PDZRN4: variants seen among roughly 807,000 people sequenced by gnomAD.
PDZRN4 encodes the protein PDZ domain-containing RING finger protein 4.
In PDZRN4, 70 loss-of-function variants were observed where a neutral mutation model predicts 99.0. The observed-to-expected ratio is 0.71, with a 90% CI of 0.58 to 0.86. The LOEUF is 0.86. PDZRN4 is among the 40% of genes least tolerant of loss of function. The probability of loss-of-function intolerance (pLI) is 0.00; values close to 1 mark genes in which losing one functional copy is unlikely to be tolerated. For missense variants in PDZRN4, 1,474 were observed against 1,331.2 expected (o/e 1.11, Z -1.67); for synonymous variants, 551 against 501.6 (o/e 1.10, Z -1.32).
chr12:41,379,561 T>A (rs1952107923), intron 3 of PDZRN4, among the ~76,000 whole-genome samples: 2 of 151,874 alleles, frequency 1.3e-5, no homozygotes, highest in African/African-American at 4.8e-5. Flanking sequence ...TTTTTCCATT[T>A]TTGTTCATAT....
chr12:41,489,222 G>A (rs750819449), intron 3 of PDZRN4, among the ~76,000 whole-genome samples: 4 of 151,990 alleles, frequency 2.6e-5, no homozygotes, highest in Non-Finnish European at 5.9e-5. Context: ...GGGAATATTT[G>A]GCACTCTCTG....
intron 3 of PDZRN4, among the ~76,000 whole-genome samples, chr12:41,381,218 AT>A (rs1328441607): frequency 6.6e-6 from 1 of 152,126 alleles, no homozygotes; most frequent in Non-Finnish European, 1.5e-5. Context: ...GATTAAACCT[AT>A]TTAGGACTAT....
chr12:41,418,937 T>G (rs1952468958), intron 3 of PDZRN4, among the ~76,000 whole-genome samples: 1 of 152,106 alleles, frequency 6.6e-6, no homozygotes. Flanking sequence ...CCTTGCAATT[T>G]GATGGGATGC....
chr12:41,463,898 C>A (rs1249940990), intron 3 of PDZRN4, among the ~76,000 whole-genome samples: 1 of 152,148 alleles, frequency 6.6e-6, no homozygotes, highest in African/African-American at 2.4e-5. Flanking sequence ...ATGGATTAGC[C>A]ATTTCCATCT....
chr12:41,531,738 A>T (rs576747863), intron 5 of PDZRN4, among the ~76,000 whole-genome samples: 8 of 152,118 alleles, frequency 5.3e-5, no homozygotes, highest in Admixed American at 1.3e-4. Flanking sequence ...CAGTATGTTT[A>T]TTGGCCTGTT....
At chr12:41,279,717 G>C (rs1268829653) in intron 3 of PDZRN4, among the ~76,000 whole-genome samples, 3 of 152,154 alleles carry the variant, frequency 2.0e-5, no homozygotes, top group African/African-American at 7.2e-5. Flanking sequence ...GTTTTCAATA[G>C]AGGGAAGAAG....
chr12:41,563,609 G>GT lies in PDZRN4; in HGVS notation c.1428dup (p.Lys477Ter). The GT allele has an allele frequency of 6.2e-7, 1 of 1,613,472 alleles. No individual in the cohort carries two copies. The highest frequency in any genetic ancestry group is 8.5e-7 in the Non-Finnish European group (1 of 1,179,546). On this transcript the variant is annotated frameshift_variant, in exon 8 of 10. Coordinates refer to ENST00000402685, the MANE Select transcript of PDZRN4 (RefSeq NM_001164595.2). LOFTEE classifies it high-confidence loss of function. ...GTGGCCTTGCTGTCTAACGATGAGT[G>GT]TAAGAGAATCGTGCTGCTTGTTGCA...
chr12:41,274,182 G>A (rs1036162201), intron 3 of PDZRN4, among the ~76,000 whole-genome samples: 12 of 151,958 alleles, frequency 7.9e-5, no homozygotes, highest in African/African-American at 2.7e-4. Flanking sequence ...ATGAGTGTGT[G>A]TAAAGCTGGT....
chr12:41,459,442 G>T (rs1341280874), intron 3 of PDZRN4, among the ~76,000 whole-genome samples: 1 of 152,170 alleles, frequency 6.6e-6, no homozygotes, highest in African/African-American at 2.4e-5. Context: ...AAATATAAAT[G>T]AACATTCAGA....
intron 3 of PDZRN4, among the ~76,000 whole-genome samples, chr12:41,274,648 G>C (rs557623943): frequency 5.9e-5 from 9 of 152,228 alleles, no homozygotes; most frequent in Admixed American, 3.9e-4. Flanking sequence ...CTGAATCCAT[G>C]GTGGAGAGCA....
At chr12:41,230,518 T>C (rs1464167588) in intron 3 of PDZRN4, among the ~76,000 whole-genome samples, 6 of 152,142 alleles carry the variant, frequency 3.9e-5, no homozygotes, top group African/African-American at 1.4e-4. Context: ...TCTTTATTTC[T>C]GCTTCTCTCC....
intron 3 of PDZRN4, among the ~76,000 whole-genome samples, chr12:41,296,902 G>T (rs892507769): frequency 5.3e-5 from 8 of 152,096 alleles, no homozygotes; most frequent in Non-Finnish European, 1.2e-4. Flanking sequence ...ACACTGCAGT[G>T]AGCCATGATC....
At chr12:41,552,866 G>A (rs2120801192) in intron 6 of PDZRN4, 112 bp downstream of exon 6, 1 of 755,294 alleles carries the variant, frequency 1.3e-6, no homozygotes, top group Non-Finnish European at 2.2e-6. Context: ...AAGAATTGGA[G>A]TTGGCCATGT....
chr12:41,441,524 C>A (rs951685032), intron 3 of PDZRN4, among the ~76,000 whole-genome samples: 19 of 152,168 alleles, frequency 1.2e-4, no homozygotes, highest in Non-Finnish European at 1.5e-4. Flanking sequence ...AGACACTGTG[C>A]TAAGCACTTT....
At chr12:41,312,190 G>A (rs1239626025) in intron 3 of PDZRN4, among the ~76,000 whole-genome samples, 3 of 151,626 alleles carry the variant, frequency 2.0e-5, no homozygotes, top group African/African-American at 7.3e-5. Context: ...ATTTCATTTA[G>A]GGTTTCTATT....
chr12:41,236,353 C>T (rs948846785), intron 3 of PDZRN4, among the ~76,000 whole-genome samples: 1 of 151,998 alleles, frequency 6.6e-6, no homozygotes, highest in Non-Finnish European at 1.5e-5. Flanking sequence ...GGGCAGGGTG[C>T]TTCACAGTAC....
chr12:41,226,116 C>A (rs1268721048), intron 3 of PDZRN4, among the ~76,000 whole-genome samples: 1 of 151,808 alleles, frequency 6.6e-6, no homozygotes. Flanking sequence ...TTGAAATTGC[C>A]TGGAGAATGA....
chr12:41,518,696 T>A (rs565549700), intron 5 of PDZRN4, among the ~76,000 whole-genome samples: 8 of 152,212 alleles, frequency 5.3e-5, no homozygotes, highest in Non-Finnish European at 1.2e-4. Flanking sequence ...TATTATTATA[T>A]AACCTTTATT....
intron 3 of PDZRN4, among the ~76,000 whole-genome samples, chr12:41,457,139 A>G (rs1021846861): frequency 6.6e-6 from 1 of 152,160 alleles, no homozygotes; most frequent in Non-Finnish European, 1.5e-5. Context: ...GTATTTCTCA[A>G]TCTTTTAATT....
Sources: gnomAD v4.1 joint callset for allele counts (sites outside exome capture counted in the v4.1 genomes callset) on GRCh38, gnomAD v4.1.1 for gene constraint, MANE v1.5 for transcripts, NCBI Gene and HGNC (gene_info 2026-07-23, HGNC 2026-07-21) for gene names.